CAST: variants seen among roughly 807,000 people sequenced by gnomAD.
The protein encoded by CAST is calpastatin.
Under a neutral mutation model 119.6 loss-of-function variants are expected in CAST, and 76 were observed. The observed-to-expected ratio is 0.64, with a 90% CI of 0.53 to 0.77. CAST has a LOEUF of 0.77. CAST is among the 30% of genes least tolerant of loss of function. The probability of loss-of-function intolerance (pLI) is 0.00; values close to 1 mark genes in which losing one functional copy is unlikely to be tolerated. For synonymous variants in CAST, 319 were observed against 331.6 expected, an observed-to-expected ratio of 0.96 and a Z score of 0.41; for missense variants, 953 against 946.5, an observed-to-expected ratio of 1.01 and a Z score of -0.09.
At chr5:96,573,757 T>G (rs1162180355) in intron 1 of CAST, among the ~76,000 whole-genome samples, 1 of 152,186 alleles carries the variant, frequency 6.6e-6, no homozygotes, top group Non-Finnish European at 1.5e-5. Context: ...ATTTAAACAG[T>G]TCCCTTGTGC....
the CAST span, among the ~76,000 whole-genome samples, chr5:96,208,772 T>C: frequency 6.6e-6 from 1 of 152,012 alleles, no homozygotes; most frequent in Non-Finnish European, 1.5e-5. Context: ...ATATGACATG[T>C]GCAGCTGAGA....
At chr5:96,003,808 A>T in the CAST span, among the ~76,000 whole-genome samples, 1 of 152,238 alleles carries the variant, frequency 6.6e-6, no homozygotes, top group Non-Finnish European at 1.5e-5. Flanking sequence ...TAGGTAAACC[A>T]CATTTCCCTT....
chr5:96,177,645 C>A, the CAST span, among the ~76,000 whole-genome samples: 2 of 152,172 alleles, frequency 1.3e-5, no homozygotes, highest in South Asian at 2.1e-4. Flanking sequence ...CTAGTCAGCT[C>A]ATACTTATAA....
chr5:96,616,822 T>TAAGACAC (rs1201105325), intron 1 of CAST, among the ~76,000 whole-genome samples: 14 of 132,324 alleles, frequency 1.1e-4, no homozygotes, highest in Admixed American at 3.0e-4. Flanking sequence ...ACACCAGAAA[T>TAAGACAC]AAGACACCAA....
At chr5:96,323,358 T>C in the CAST span, among the ~76,000 whole-genome samples, 1 of 152,214 alleles carries the variant, frequency 6.6e-6, no homozygotes, top group Non-Finnish European at 1.5e-5. Context: ...CAGAGAACAT[T>C]GTCACTGAGG....
intron 1 of CAST, among the ~76,000 whole-genome samples, chr5:96,642,250 A>G (rs894644359): frequency 6.6e-6 from 1 of 152,210 alleles, no homozygotes; most frequent in Non-Finnish European, 1.5e-5. Context: ...CCATGATGAA[A>G]AGGATCATTT....
At chr5:95,965,160 T>C in the CAST span, 1 of 152,162 alleles carries the variant, frequency 6.6e-6, no homozygotes, top group Non-Finnish European at 1.5e-5. Flanking sequence ...CTGGGAGGTT[T>C]AAAGGGCTCA....
the CAST span, chr5:96,433,065 A>T: frequency 3.1e-6 from 5 of 1,610,232 alleles, no homozygotes; most frequent in Non-Finnish European, 3.4e-6. Context: ...CGCTTGAACA[A>T]GAGTGGGAAG....
the CAST span, among the ~76,000 whole-genome samples, chr5:96,500,597 G>A: frequency 4.6e-5 from 7 of 152,272 alleles, no homozygotes; most frequent in African/African-American, 7.2e-5. Context: ...GTTGGTCTCA[G>A]TTTCAGATAT....
the CAST span, among the ~76,000 whole-genome samples, chr5:96,014,498 TTG>T: frequency 6.6e-6 from 1 of 152,192 alleles, no homozygotes; most frequent in East Asian, 1.9e-4. Flanking sequence ...CTATACATAA[TTG>T]TGTGTACTAG....
chr5:96,454,186 A>C, the CAST span, among the ~76,000 whole-genome samples: 1 of 152,168 alleles, frequency 6.6e-6, no homozygotes, highest in Non-Finnish European at 1.5e-5. Context: ...AATGAACCCT[A>C]CTACGTGGTA....
At chr5:96,425,058 A>C in the CAST span, among the ~76,000 whole-genome samples, 1 of 131,700 alleles carries the variant, frequency 7.6e-6, no homozygotes, top group Non-Finnish European at 1.7e-5. Context: ...GAAAGAAAGA[A>C]AGAAAGAAAG....
chr5:96,253,097 ATT>A, the CAST span, among the ~76,000 whole-genome samples: 2 of 152,158 alleles, frequency 1.3e-5, no homozygotes, highest in African/African-American at 4.8e-5. Context: ...AAGTAGAGAC[ATT>A]TTAGTCTTCT....
the CAST span, among the ~76,000 whole-genome samples, chr5:96,326,929 T>C: frequency 6.6e-6 from 1 of 152,172 alleles, no homozygotes; most frequent in Non-Finnish European, 1.5e-5. Context: ...ATCCGTCTGC[T>C]CAGAAGTGGT....
chr5:96,516,178 A>G, the CAST span, among the ~76,000 whole-genome samples: 5 of 151,686 alleles, frequency 3.3e-5, no homozygotes, highest in East Asian at 9.7e-4. Context: ...GAGGGCAAAA[A>G]TAATCATGTG....
the CAST span, among the ~76,000 whole-genome samples, chr5:96,283,446 C>T: frequency 6.6e-6 from 1 of 152,216 alleles, no homozygotes; most frequent in African/African-American, 2.4e-5. Flanking sequence ...GGTGCAGGAA[C>T]TCAGATCACT....
intron 1 of CAST, among the ~76,000 whole-genome samples, chr5:96,582,886 T>C (rs1056820569): frequency 2.0e-5 from 3 of 152,218 alleles, no homozygotes; most frequent in Admixed American, 6.5e-5. Context: ...TGAATGTCAA[T>C]GCATAAGTTT....
chr5:96,668,353 CA>C lies in CAST; in HGVS notation c.75+5861del, dbSNP rs577500646. On this transcript the variant is annotated intron_variant, in intron 1 of 31. Coordinates refer to ENST00000675179, the MANE Select transcript of CAST (RefSeq NM_001750.7). ...GTCATGAGATAGACAAAGTACTAAA[CA>C]AAAACTTAATCAGATGAACCTGATA... 2.2e-4 allele frequency among the ~76,000 whole-genome samples: 34 copies of C among 152,300 alleles called. No homozygotes were observed. The South Asian group carries it at 5.8e-3, about 26-fold the overall frequency.
At chr5:96,642,621 A>C (rs539458413) in intron 1 of CAST, among the ~76,000 whole-genome samples, 2 of 151,070 alleles carry the variant, frequency 1.3e-5, no homozygotes, top group South Asian at 4.2e-4. Flanking sequence ...GGCTCAGTGC[A>C]ACCTCCACCT....
Sources: gnomAD v4.1 joint callset for allele counts (sites outside exome capture counted in the v4.1 genomes callset) on GRCh38, gnomAD v4.1.1 for gene constraint, MANE v1.5 for transcripts, NCBI Gene and HGNC (gene_info 2026-07-23, HGNC 2026-07-21) for gene names.